The following CYP20A1 variants were observed in gnomAD, a reference collection of about 807,000 sequenced individuals.
CYP20A1 encodes the protein cytochrome P450 20A1.
A neutral mutation model predicts 61.4 loss-of-function variants in CYP20A1; 61 were observed. The observed-to-expected ratio is 0.99, with a 90% CI of 0.81 to 1.23. The LOEUF (loss-of-function observed/expected upper bound fraction) is 1.23, where lower values mean the gene tolerates loss of function less well. Among genes scored for constraint, CYP20A1 ranks in the 50% most tolerant of loss-of-function variants. CYP20A1 has a pLI of 0.00. For synonymous variants in CYP20A1, 193 were observed against 188.2 expected (o/e 1.03, Z -0.21); for missense variants, 530 against 542.4 (o/e 0.98, Z 0.23).
At chr2:203,284,403 A>G (rs986682810) in intron 8 of CYP20A1, among the ~76,000 whole-genome samples, 2 of 152,164 alleles carry the variant, frequency 1.3e-5, no homozygotes, top group African/African-American at 4.8e-5. Context: ...AATAGTTATA[A>G]TCCCAGTGTA....
chr2:203,292,223 C>T (rs761021958), intron 10 of CYP20A1, 39 bp from the exon 11 acceptor site: 1 of 1,439,180 alleles, frequency 6.9e-7, no homozygotes, highest in Non-Finnish European at 9.7e-7. Context: ...CATTTTATCT[C>T]TGTTAGTCCT....
At chr2:203,271,052 GTGTA>G (rs1243381549) in intron 5 of CYP20A1, among the ~76,000 whole-genome samples, 1,787 of 45,548 alleles carry the variant, frequency 0.039, 132 homozygotes, top group East Asian at 0.12. Flanking sequence ...ATATGTATAT[GTGTA>G]TATATATATA....
intron 3 of CYP20A1, among the ~76,000 whole-genome samples, chr2:203,250,193 C>T (rs760825684): frequency 2.0e-5 from 3 of 152,126 alleles, no homozygotes; most frequent in Non-Finnish European, 4.4e-5. Context: ...AAATTTGAAG[C>T]AACCTAAATA....
intron 11 of CYP20A1, among the ~76,000 whole-genome samples, chr2:203,293,508 C>CTTT (rs11408049): frequency 7.1e-6 from 1 of 140,904 alleles, no homozygotes. Flanking sequence ...CGCCCGGCCT[C>CTTT]TTTTTTTTTT....
intron 1 of CYP20A1, among the ~76,000 whole-genome samples, chr2:203,243,164 G>A (rs1357332598): frequency 1.3e-5 from 2 of 152,168 alleles, no homozygotes; most frequent in African/African-American, 4.8e-5. Flanking sequence ...TTGAGACGGA[G>A]TCTTACTGTG....
chr2:203,243,979 C>T (rs1267277333), intron 1 of CYP20A1, among the ~76,000 whole-genome samples: 1 of 152,178 alleles, frequency 6.6e-6, no homozygotes, highest in East Asian at 1.9e-4. Context: ...TGCAAGCCAC[C>T]ACACCTGGCC....
rs1175333008 is a variant in CYP20A1, at chr2:203,239,019, C to T, written c.-44C>T. 1.1e-5 allele frequency: 18 copies of T among 1,574,866 alleles called. No homozygotes were observed. The highest frequency in any genetic ancestry group is 1.6e-5 in the Non-Finnish European group (18 of 1,145,602). Reference sequence around the variant, plus strand: ...ATTGGGCCAGGCTGAGGCGCTGCTGCTGGAGCGGCCGATCCGAGACGTGGC... The same window carrying T: ...ATTGGGCCAGGCTGAGGCGCTGCTGTTGGAGCGGCCGATCCGAGACGTGGC... On this transcript the variant is annotated 5_prime_UTR_variant, in exon 1 of 13. Transcript: ENST00000356079.
intron 3 of CYP20A1, among the ~76,000 whole-genome samples, chr2:203,250,463 G>A (rs1368581142): frequency 6.6e-6 from 1 of 152,120 alleles, no homozygotes; most frequent in Non-Finnish European, 1.5e-5. Context: ...AGGACTTGAA[G>A]TCAGGCAATC....
chr2:203,260,544 G>T (rs1217671274), intron 4 of CYP20A1, among the ~76,000 whole-genome samples: 4 of 150,710 alleles, frequency 2.7e-5, no homozygotes, highest in Non-Finnish European at 4.4e-5. Flanking sequence ...TTAGAGACAG[G>T]GTCTCGCTTT....
chr2:203,256,573 G>C (rs1013270836), intron 4 of CYP20A1, among the ~76,000 whole-genome samples: 1 of 151,896 alleles, frequency 6.6e-6, no homozygotes, highest in East Asian at 1.9e-4. Flanking sequence ...TAGTCAGTTT[G>C]GTCTCAAACT....
chr2:203,276,065 A>C (rs2067808609), intron 6 of CYP20A1, among the ~76,000 whole-genome samples: 1 of 152,246 alleles, frequency 6.6e-6, no homozygotes, highest in South Asian at 2.1e-4. Context: ...AAACACTTGC[A>C]AGAGATGAAA....
At chr2:203,281,366 G>A (rs2068034221) in intron 8 of CYP20A1, among the ~76,000 whole-genome samples, 1 of 152,072 alleles carries the variant, frequency 6.6e-6, no homozygotes, top group South Asian at 2.1e-4. Context: ...AATTAGCCAG[G>A]CCTGGTGGCA....
At position 203,302,893 on chromosome 2, in the gene CYP20A1, G is replaced by A. The variant is rs1021464433; in HGVS notation, c.*5985G>A. 6.6e-6 allele frequency among the ~76,000 whole-genome samples: 1 copy of A among 152,054 alleles called. No individual in the cohort carries two copies. Among genetic ancestry groups the A allele is most frequent in the South Asian group, 2.1e-4 (1 of 4,818 alleles). On this transcript the variant is annotated 3_prime_UTR_variant, in exon 13 of 13. Coordinates refer to ENST00000356079, the MANE Select transcript of CYP20A1 (RefSeq NM_177538.3). ...TTTTTAGTAGAGATGGGGTTTTACC[G>A]TGTTGGTCAGGCTGGTCCTGAACTC...
chr2:203,295,317 C>A (rs947227377), intron 11 of CYP20A1, among the ~76,000 whole-genome samples: 2 of 152,044 alleles, frequency 1.3e-5, no homozygotes, highest in Non-Finnish European at 2.9e-5. Flanking sequence ...TCAAGCAATC[C>A]TCCCACCTTG....
chr2:203,282,390 G>A (rs772304399), intron 8 of CYP20A1, among the ~76,000 whole-genome samples: 6 of 151,802 alleles, frequency 4.0e-5, no homozygotes, highest in East Asian at 1.9e-4. Flanking sequence ...TCCCAGCTAC[G>A]TTGGAGGCTG....
At chr2:203,269,911 G>A (rs2067494443) in intron 5 of CYP20A1, among the ~76,000 whole-genome samples, 1 of 152,192 alleles carries the variant, frequency 6.6e-6, no homozygotes, top group African/African-American at 2.4e-5. Flanking sequence ...TTACAGGCGT[G>A]AGCCACCATG....
chr2:203,289,844 G>A lies in CYP20A1; in HGVS notation c.1051G>A (p.Gly351Arg). Residue 351 changes from glycine to arginine, a missense_variant, in exon 10 of 13, where the codon GGA (glycine) becomes AGA (arginine). Coordinates refer to ENST00000356079, the MANE Select transcript of CYP20A1 (RefSeq NM_177538.3). ...TTCTGCCCAGCTTCAAGATATTGAA[G>A]GAAAAATTGACCGATTTATTATTCC... The part of the protein sequence containing the change: ...PVSAQLQDIE[G>R]KIDRFIIPRE... The A allele has an allele frequency of 6.3e-7, 1 of 1,592,784 alleles. No individual in the cohort carries two copies. The highest frequency in any genetic ancestry group is 1.1e-5 in the South Asian group (1 of 87,846).
intron 1 of CYP20A1, among the ~76,000 whole-genome samples, chr2:203,245,422 G>A (rs1391442805): frequency 6.6e-6 from 1 of 151,764 alleles, no homozygotes; most frequent in Non-Finnish European, 1.5e-5. Context: ...TGTATCAAGG[G>A]GGTTTGTTGT....
rs2069168252 is a variant in CYP20A1, at chr2:203,305,170, A to G, written c.*8262A>G. On this transcript the variant is annotated 3_prime_UTR_variant, in exon 13 of 13. Transcript: ENST00000356079. ...CTCTTCCAGTTCTACTCCCAATTTA[A>G]TTGGTTTACAGTTCGGTGGCTGTCT... is the stretch of plus-strand genomic sequence containing the variant. 6.8e-6 allele frequency among the ~76,000 whole-genome samples: 1 copy of G among 147,966 alleles called. No individual in the cohort carries two copies. Among genetic ancestry groups the G allele is most frequent in the Non-Finnish European group, 1.5e-5 (1 of 66,900 alleles).
Sources: allele counts gnomAD v4.1 joint callset (sites outside exome capture counted in the v4.1 genomes callset), GRCh38; gene constraint gnomAD v4.1.1; transcripts MANE v1.5; gene names NCBI Gene and HGNC (gene_info 2026-07-23, HGNC 2026-07-21).